The following LRRC56 variants were observed in gnomAD, a reference collection of about 807,000 sequenced individuals.
LRRC56 encodes leucine-rich repeat-containing protein 56.
Under a neutral mutation model 47.8 loss-of-function variants are expected in LRRC56, and 41 were observed. The observed-to-expected ratio is 0.86, with a 90% CI of 0.67 to 1.11. The LOEUF (loss-of-function observed/expected upper bound fraction) is 1.11. Among genes scored for constraint, LRRC56 ranks in the 50% most tolerant of loss-of-function variants. The pLI is 0.00. For missense variants in LRRC56, 759 were observed against 704.2 expected, an observed-to-expected ratio of 1.08 and a Z score of -0.88; for synonymous variants, 387 against 311.2, an observed-to-expected ratio of 1.24 and a Z score of -2.56.
In LRRC56 at chr11:552,228, G is replaced by T. The variant is rs151206481; in HGVS notation, c.1177G>T (p.Val393Leu). 9.3e-6 allele frequency: 15 copies of T among 1,608,492 alleles called. No individual in the cohort carries two copies. In the East Asian group the frequency reaches 1.1e-4, roughly 12 times the overall value. ...GCTCAGGGCCTGGAGGGAACATGGCGTGCGGTGGGTGTCCCTCCAGCTCTT... is the reference window on the plus strand; with the variant it reads ...GCTCAGGGCCTGGAGGGAACATGGCTTGCGGTGGGTGTCCCTCCAGCTCTT... ...AGLRAWREHG[V>L]RPLPYRHPES... is the part of the protein sequence containing the mutation. Residue 393 changes from valine to leucine, a missense_variant, in exon 12 of 14, where the codon GTG becomes TTG. Physicochemically the swap from Val to Leu is conservative, Grantham distance 32. Coordinates refer to ENST00000270115, the MANE Select transcript of LRRC56 (RefSeq NM_198075.4).
chr11:506,925 G>A, the LRRC56 span: 1 of 152,302 alleles, frequency 6.6e-6, no homozygotes, highest in Non-Finnish European at 1.5e-5. Flanking sequence ...GCTGCCCAGC[G>A]CAACCTCGGC....
intron 6 of LRRC56, among the ~76,000 whole-genome samples, chr11:545,059 T>G (rs1370718827): frequency 6.6e-6 from 1 of 151,938 alleles, no homozygotes; most frequent in Admixed American, 6.6e-5. Flanking sequence ...CCAGCCTGAC[T>G]CCCGGGGGTC....
intron 12 of LRRC56, 88 bp downstream of exon 12, chr11:552,320 T>C (rs1852443982): frequency 6.6e-7 from 1 of 1,506,390 alleles, no homozygotes; most frequent in South Asian, 1.3e-5. Flanking sequence ...TCATCCCCAG[T>C]CCCAAGGCTC....
chr11:517,286 G>A, the LRRC56 span, among the ~76,000 whole-genome samples: 26,049 of 151,728 alleles, frequency 0.17, 2,841 homozygotes, highest in Non-Finnish European at 0.25. Context: ...TGGGAGGTGA[G>A]GAGCATCTCT....
chr11:534,431 G>T, upstream of LRRC56: 1 of 850,716 alleles, frequency 1.2e-6, no homozygotes, highest in Non-Finnish European at 1.9e-6. Flanking sequence ...GCCCCACAGG[G>T]CAGCTGCTGG....
chr11:517,878 C>T, the LRRC56 span, among the ~76,000 whole-genome samples: 3 of 152,364 alleles, frequency 2.0e-5, no homozygotes, highest in Middle Eastern at 3.4e-3. Context: ...CCCCCAACCC[C>T]GTGCTCTCTG....
the LRRC56 span, among the ~76,000 whole-genome samples, chr11:526,123 C>T: frequency 1.3e-5 from 2 of 151,812 alleles, no homozygotes; most frequent in African/African-American, 2.4e-5. Context: ...AGGAGAATCG[C>T]TTGAAACTGT....
chr11:540,791 A>G lies in LRRC56; in HGVS notation c.107A>G (p.Lys36Arg). The change falls in exon 4 of 14, where the codon AAG becomes AGG. Residue 36 changes from lysine (K) to arginine (R), a missense_variant. Physicochemically the swap from Lys to Arg is conservative, Grantham distance 26. Coordinates refer to ENST00000270115, the MANE Select transcript of LRRC56 (RefSeq NM_198075.4). ...QGLHNPCPQS[K>R]GPGSQRDRLG... ...CTGCACAACCCCTGCCCACAGAGCA[A>G]GGGCCCTGGCAGTCAGAGGGACAGA... 1 of 1,607,052 alleles carries G rather than the reference A, an allele frequency of 6.2e-7. No individual in the cohort carries two copies.
At chr11:511,273 A>T in the LRRC56 span, among the ~76,000 whole-genome samples, 1 of 151,018 alleles carries the variant, frequency 6.6e-6, no homozygotes, top group African/African-American at 2.4e-5. Flanking sequence ...GTGAGCCAAG[A>T]TCGCGCCACT....
At chr11:525,761 ATG>A in the LRRC56 span, among the ~76,000 whole-genome samples, 2 of 150,546 alleles carry the variant, frequency 1.3e-5, no homozygotes, top group Non-Finnish European at 3.0e-5. Flanking sequence ...TTAGCCAGGC[ATG>A]CTGGTGCACG....
rs999849706 is a variant in LRRC56, at chr11:540,534, C to G, written c.-11-140C>G. ...GAGGCCCAGCCAAGCTAGGAGCCTT[C>G]TCTAGGCTCGGGGTGGGGGTGGGTG... is the stretch of plus-strand genomic sequence containing the variant. On this transcript the variant is annotated intron_variant, in intron 3 of 13. Transcript: ENST00000270115. The G allele has an allele frequency of 7.5e-6, 5 of 670,016 alleles. No individual in the cohort carries two copies. The African/African-American group carries it at 9.5e-5, about 13-fold the overall frequency. 41.5% of individuals were successfully genotyped at this position (670,016 alleles called of 1,614,324 possible).
chr11:549,588 TAGAA>T lies in LRRC56; in HGVS notation c.327-310_327-307del, dbSNP rs569665951. On this transcript the variant is annotated intron_variant, in intron 6 of 13. Transcript: ENST00000270115. ...CCCCAAACGCTACTGAGGAGACAAT[TAGAA>T]AGAGAAAGGTGATGCCTGCAGCCTG... Among the ~76,000 whole-genome samples, 255 of 152,270 alleles carry T rather than the reference TAGAA, an allele frequency of 1.7e-3. 2 individuals carry two copies. The highest frequency in any genetic ancestry group is 0.016 in the South Asian group (78 of 4,818).
chr11:535,791 T>G (rs1277043750), upstream of LRRC56, among the ~76,000 whole-genome samples: 1 of 151,978 alleles, frequency 6.6e-6, no homozygotes, highest in Non-Finnish European at 1.5e-5. Flanking sequence ...AGCTCGGGGT[T>G]GCTCGAGGAA....
chr11:544,178 G>A (rs563616486), intron 5 of LRRC56, among the ~76,000 whole-genome samples: 1 of 152,184 alleles, frequency 6.6e-6, no homozygotes. Flanking sequence ...AGGCTGGGGC[G>A]TGCAGTGATC....
At chr11:517,528 T>C in the LRRC56 span, among the ~76,000 whole-genome samples, 1 of 143,294 alleles carries the variant, frequency 7.0e-6, no homozygotes, top group African/African-American at 2.6e-5. Flanking sequence ...TCTGCCCGAC[T>C]GCCCCGTCTG....
At chr11:525,268 G>T in the LRRC56 span, among the ~76,000 whole-genome samples, 1 of 149,640 alleles carries the variant, frequency 6.7e-6, no homozygotes, top group Admixed American at 6.6e-5. Context: ...GGCCAGGCAC[G>T]GTGGCTCACG....
At chr11:533,863 TGTACTCCTCCTGGCCGGCG>T (rs878854757), upstream of LRRC56, 4 of 1,613,326 alleles carry the variant, frequency 2.5e-6, no homozygotes, top group Non-Finnish European at 3.4e-6. Context: ...CGCATGGCGC[TGTACTCCTCCTGGCCGGCG>T]GTATCCAGGA....
chr11:531,207 G>A, the LRRC56 span, among the ~76,000 whole-genome samples: 4 of 151,934 alleles, frequency 2.6e-5, 1 homozygote, highest in South Asian at 2.1e-4. Flanking sequence ...AAGGGCGAGT[G>A]TGGTATTCCC....
the LRRC56 span, among the ~76,000 whole-genome samples, chr11:526,658 C>T: frequency 0.01 from 1,584 of 152,310 alleles, 29 homozygotes; most frequent in African/African-American, 0.036. Flanking sequence ...GCTCAGTGGC[C>T]GGGCACGGTG....
Sources: allele counts gnomAD v4.1 joint callset (sites outside exome capture counted in the v4.1 genomes callset), GRCh38; gene constraint gnomAD v4.1.1; transcripts MANE v1.5; gene names NCBI Gene and HGNC (gene_info 2026-07-23, HGNC 2026-07-21).